Variants in AFF2 observed in about 807,000 individuals in gnomAD.
The protein encoded by AFF2 is AF4/FMR2 family member 2.
Under a neutral mutation model 76.9 loss-of-function variants are expected in AFF2, and 14 were observed. The observed-to-expected ratio is 0.18, with a 90% confidence interval of 0.12 to 0.28. The LOEUF (loss-of-function observed/expected upper bound fraction) is 0.28, where lower values mean the gene tolerates loss of function less well. Ranked by LOEUF, AFF2 falls within the 10% of genes least tolerant of loss-of-function variation. AFF2 has a pLI of 1.00. For synonymous variants in AFF2, 398 were observed against 366.7 expected (o/e 1.09, Z -0.98); for missense variants, 868 against 1,001.1 (o/e 0.87, Z 1.79).
chrX:148,668,897 GA>G (rs1237639041), intron 3 of AFF2, among the ~76,000 whole-genome samples: 1 of 112,343 alleles, frequency 8.9e-6, no homozygotes, highest in Admixed American at 9.4e-5. Context: ...TTTCTCCTCA[GA>G]AAATGTGATT....
chrX:148,704,388 A>ATATG (rs1557262183), intron 3 of AFF2, among the ~76,000 whole-genome samples: 6 of 48,349 alleles, frequency 1.2e-4, no homozygotes, highest in Admixed American at 3.0e-4. Flanking sequence ...ATTTATATAT[A>ATATG]TGTGTAGATA....
In AFF2 at chrX:148,568,835, A is replaced by G. The variant is rs114251980; in HGVS notation, c.47+67691A>G. ...ATCGTTTTGAAATATAAACTTCCTC[A>G]GATCTAAAATATATCACAGGAAAAC... On this transcript the variant is annotated intron_variant, in intron 1 of 20. Coordinates refer to ENST00000370460, the MANE Select transcript of AFF2 (RefSeq NM_002025.4). 4.6e-3 allele frequency among the ~76,000 whole-genome samples: 511 copies of G among 111,984 alleles called. 3 individuals are homozygous for G. Among genetic ancestry groups the G allele is most frequent in the African/African-American group, 0.016 (491 of 30,851 alleles).
intron 2 of AFF2, among the ~76,000 whole-genome samples, chrX:148,658,541 C>T (rs1250948656): frequency 2.7e-5 from 3 of 111,932 alleles, no homozygotes; most frequent in Non-Finnish European, 3.8e-5. Flanking sequence ...AGTTAGTCAT[C>T]ATAAGAAAAA....
intron 18 of AFF2, among the ~76,000 whole-genome samples, chrX:148,978,937 G>A (rs1233751238): frequency 8.9e-6 from 1 of 112,048 alleles, no homozygotes; most frequent in Non-Finnish European, 1.9e-5. Flanking sequence ...ACAACTGATT[G>A]CTTTGGTTAC....
intron 18 of AFF2, among the ~76,000 whole-genome samples, chrX:148,979,237 G>A (rs1267243203): frequency 8.9e-6 from 1 of 111,788 alleles, no homozygotes; most frequent in Admixed American, 9.5e-5. Flanking sequence ...TCATACCAAA[G>A]TAGTTGTTTG....
At chrX:148,588,692 A>G (rs1249258408) in intron 1 of AFF2, among the ~76,000 whole-genome samples, 1 of 112,121 alleles carries the variant, frequency 8.9e-6, no homozygotes, top group Non-Finnish European at 1.9e-5. Context: ...CTACTAGCTT[A>G]CCAGTGTAGT....
chrX:148,637,910 G>A (rs1557254081), intron 1 of AFF2, among the ~76,000 whole-genome samples: 3 of 109,930 alleles, frequency 2.7e-5, no homozygotes, highest in African/African-American at 1.0e-4. Flanking sequence ...TTCTTAGAAG[G>A]CTGGGAGGGT....
At chrX:148,728,429 A>C (rs1284614141) in intron 3 of AFF2, among the ~76,000 whole-genome samples, 1 of 112,114 alleles carries the variant, frequency 8.9e-6, no homozygotes, top group African/African-American at 3.2e-5. Flanking sequence ...TTGGTGCAAC[A>C]TGTTTTGGAC....
At chrX:148,594,413 GT>G (rs1267590652) in intron 1 of AFF2, among the ~76,000 whole-genome samples, 1 of 112,178 alleles carries the variant, frequency 8.9e-6, no homozygotes, top group African/African-American at 3.2e-5. Context: ...AGACGTGGTT[GT>G]CATATGTGAA....
intron 6 of AFF2, 58 bp from the exon 7 acceptor site, chrX:148,843,324 G>A (rs2070625259): frequency 9.8e-7 from 1 of 1,024,448 alleles, no homozygotes; most frequent in Admixed American, 2.3e-5. Flanking sequence ...ATTTAATTCA[G>A]AATAATCATT....
chrX:148,809,970 C>G (rs2070183661), intron 4 of AFF2, 50 bp downstream of exon 4: 1 of 1,091,293 alleles, frequency 9.2e-7, no homozygotes, highest in Admixed American at 2.3e-5. Context: ...AGCAATCTAT[C>G]TGCTTAAGCT....
At chrX:148,768,769 T>C (rs16994713) in intron 3 of AFF2, among the ~76,000 whole-genome samples, 3,030 of 111,934 alleles carry the variant, frequency 0.027, 103 homozygotes, top group African/African-American at 0.091. Flanking sequence ...CAGAAAGTTA[T>C]GAGGACATGT....
intron 3 of AFF2, among the ~76,000 whole-genome samples, chrX:148,683,009 G>A (rs1023987415): frequency 9.0e-6 from 1 of 111,452 alleles, no homozygotes; most frequent in Non-Finnish European, 1.9e-5. Flanking sequence ...TGGATATAGC[G>A]TGGTAACACT....
rs1340088153 is a variant in AFF2 at position 148,980,401 on chromosome X, G to A, written c.3571-337G>A. Among the ~76,000 whole-genome samples the A allele has an allele frequency of 2.7e-5, 3 of 112,209 alleles. No homozygotes were observed. In the East Asian group the frequency reaches 8.4e-4, roughly 32 times the overall value. ...GGAGCTAAAGGTGAAAAGCTTACTT[G>A]CACTCTGAAGAGCTTGTTTGGCAGA... On this transcript the variant is annotated intron_variant, in intron 18 of 20. Transcript: ENST00000370460.
At chrX:148,813,963 A>G (rs2070234020) in intron 4 of AFF2, among the ~76,000 whole-genome samples, 2 of 112,404 alleles carry the variant, frequency 1.8e-5, no homozygotes, top group African/African-American at 6.5e-5. Flanking sequence ...CAGGCATATT[A>G]TCGCTTATTG....
intron 1 of AFF2, among the ~76,000 whole-genome samples, chrX:148,598,165 T>A (rs1203846390): frequency 1.8e-5 from 2 of 111,958 alleles, no homozygotes; most frequent in Admixed American, 1.9e-4. Flanking sequence ...TTGAATGAAA[T>A]TATAAAATAA....
chrX:148,829,262 T>A (rs182142330), intron 4 of AFF2, among the ~76,000 whole-genome samples: 1 of 112,333 alleles, frequency 8.9e-6, no homozygotes, highest in African/African-American at 3.2e-5. Context: ...ATTTTACACT[T>A]CCTCTCTATG....
At chrX:148,739,426 A>G (rs1557265426) in intron 3 of AFF2, among the ~76,000 whole-genome samples, 1 of 111,457 alleles carries the variant, frequency 9.0e-6, no homozygotes, top group African/African-American at 3.3e-5. Context: ...GTCTGATTCT[A>G]AGTATAGCTA....
At chrX:148,681,536 A>ATGTGTG (rs35711893) in intron 3 of AFF2, among the ~76,000 whole-genome samples, 2 of 98,024 alleles carry the variant, frequency 2.0e-5, no homozygotes, top group Non-Finnish European at 4.1e-5. Context: ...GTGCTAAAAG[A>ATGTGTG]TGTGTGTGTG....
Sources: gnomAD v4.1 joint callset for allele counts (sites outside exome capture counted in the v4.1 genomes callset) on GRCh38, gnomAD v4.1.1 for gene constraint, MANE v1.5 for transcripts, NCBI Gene and HGNC (gene_info 2026-07-23, HGNC 2026-07-21) for gene names.